FRMD6: variants seen among roughly 807,000 people sequenced by gnomAD.
FRMD6 encodes FERM domain-containing protein 6.
A neutral mutation model predicts 73.2 loss-of-function variants in FRMD6; 37 were observed. The ratio of observed to expected loss-of-function variants is 0.51; its 90% CI spans 0.39 to 0.66. The LOEUF is 0.66. Ranked by LOEUF, FRMD6 falls within the 30% of genes least tolerant of loss-of-function variation. The probability of loss-of-function intolerance (pLI) is 0.00; values close to 1 mark genes in which losing one functional copy is unlikely to be tolerated. For synonymous variants in FRMD6, 273 were observed against 282.2 expected (o/e 0.97, Z 0.33); for missense variants, 714 against 780.5 (o/e 0.91, Z 1.02).
At chr14:51,506,221 A>G (rs950799483) in intron 1 of FRMD6, among the ~76,000 whole-genome samples, 2 of 152,136 alleles carry the variant, frequency 1.3e-5, no homozygotes, top group African/African-American at 4.8e-5. Context: ...AGCTCTCACC[A>G]TTCCATCAGA....
chr14:51,640,400 T>C (rs1427358553), intron 2 of FRMD6, among the ~76,000 whole-genome samples: 2 of 152,230 alleles, frequency 1.3e-5, no homozygotes, highest in Non-Finnish European at 2.9e-5. Flanking sequence ...CATGAATGGG[T>C]ATCAAAATCA....
intron 7 of FRMD6, among the ~76,000 whole-genome samples, chr14:51,711,084 A>G (rs542942626): frequency 3.3e-5 from 5 of 152,200 alleles, no homozygotes; most frequent in Admixed American, 6.6e-5. Context: ...TTTTAAACAT[A>G]TAAAGTCTTA....
chr14:51,497,401 C>G (rs1044003855), intron 1 of FRMD6, among the ~76,000 whole-genome samples: 1 of 152,154 alleles, frequency 6.6e-6, no homozygotes. Context: ...AAAACTTTAT[C>G]GGTTTTCCAT....
At chr14:51,600,944 C>T (rs574424029) in intron 2 of FRMD6, among the ~76,000 whole-genome samples, 1 of 152,304 alleles carries the variant, frequency 6.6e-6, no homozygotes, top group South Asian at 2.1e-4. Context: ...TTTTAATATC[C>T]TATTAGCACT....
chr14:51,480,264 A>G, the FRMD6 span, among the ~76,000 whole-genome samples: 1 of 152,214 alleles, frequency 6.6e-6, no homozygotes. Flanking sequence ...ACATTTTCTG[A>G]GCCTAACACA....
Position 51,569,579 on chromosome 14 carries a change from T to C in FRMD6, c.-209-769T>C, listed in dbSNP as rs527534464. On this transcript the variant is annotated intron_variant, in intron 1 of 14. Coordinates refer to the FRMD6 transcript ENST00000356218. The stretch of plus-strand genomic sequence containing the variant: ...CGTGCAGTGGTGTGAACACAGCTCA[T>C]TGCAGACTTGACCTCCCGAGCTCAG... Among the ~76,000 whole-genome samples, 16 of 145,340 alleles carry C rather than the reference T, an allele frequency of 1.1e-4. No homozygotes were observed. In the South Asian group the frequency reaches 3.2e-3, roughly 30 times the overall value.
the FRMD6 span, among the ~76,000 whole-genome samples, chr14:51,478,311 T>G: frequency 6.6e-6 from 1 of 152,210 alleles, no homozygotes; most frequent in Non-Finnish European, 1.5e-5. Flanking sequence ...GCATTTTTTT[T>G]CCTTCTCATT....
intron 1 of FRMD6, among the ~76,000 whole-genome samples, chr14:51,666,646 C>G (rs1185188695): frequency 6.6e-6 from 1 of 152,022 alleles, no homozygotes; most frequent in Non-Finnish European, 1.5e-5. Context: ...AAAATTTAAC[C>G]TTACAAACAA....
chr14:51,691,978 C>T (rs1895620072), intron 2 of FRMD6, among the ~76,000 whole-genome samples: 1 of 152,226 alleles, frequency 6.6e-6, no homozygotes, highest in East Asian at 1.9e-4. Context: ...TAAATAACTT[C>T]ATTAAAAAGT....
At chr14:51,468,668 G>A in the FRMD6 span, among the ~76,000 whole-genome samples, 5 of 152,170 alleles carry the variant, frequency 3.3e-5, no homozygotes, top group Non-Finnish European at 7.4e-5. Flanking sequence ...CCGGGGGTGG[G>A]CAGGGGGACA....
At chr14:51,511,773 G>T (rs1432052524) in intron 1 of FRMD6, among the ~76,000 whole-genome samples, 2 of 152,098 alleles carry the variant, frequency 1.3e-5, no homozygotes, top group African/African-American at 4.8e-5. Context: ...AATACCTAAT[G>T]TAGGTGATGG....
At chr14:51,697,683 GATTT>G (rs1896037151) in intron 2 of FRMD6, among the ~76,000 whole-genome samples, 1 of 151,788 alleles carries the variant, frequency 6.6e-6, no homozygotes, top group Non-Finnish European at 1.5e-5. Context: ...ATGTTAGTCT[GATTT>G]ATTCATTCCA....
chr14:51,656,563 G>A (rs958676879), intron 1 of FRMD6, among the ~76,000 whole-genome samples: 2 of 152,000 alleles, frequency 1.3e-5, no homozygotes, highest in African/African-American at 4.8e-5. Context: ...ATAGGTGCCT[G>A]CCACCACGCC....
At chr14:51,470,260 T>TCTAATCCCAGCACTTCGGGAGGC in the FRMD6 span, among the ~76,000 whole-genome samples, 1 of 152,222 alleles carries the variant, frequency 6.6e-6, no homozygotes. Context: ...GGCTCACGCC[T>TCTAATCCCAGCACTTCGGGAGGC]CTAATCCCAG....
intron 1 of FRMD6, among the ~76,000 whole-genome samples, chr14:51,549,659 A>G (rs1306870975): frequency 5.2e-5 from 6 of 114,560 alleles, no homozygotes; most frequent in Admixed American, 3.5e-4. Flanking sequence ...GCAGTGGCGC[A>G]CTCTCAGCTC....
intron 1 of FRMD6, among the ~76,000 whole-genome samples, chr14:51,674,121 A>G (rs1159332603): frequency 1.3e-5 from 2 of 152,138 alleles, no homozygotes; most frequent in African/African-American, 4.8e-5. Context: ...GGTTATTGAA[A>G]CTTGTACTGA....
chr14:51,473,015 T>C, the FRMD6 span, among the ~76,000 whole-genome samples: 7 of 152,316 alleles, frequency 4.6e-5, no homozygotes, highest in African/African-American at 1.4e-4. Flanking sequence ...GAAATAATTT[T>C]CAAATGAGGT....
intron 1 of FRMD6, among the ~76,000 whole-genome samples, chr14:51,511,277 G>C (rs1407409209): frequency 6.6e-6 from 1 of 152,202 alleles, no homozygotes; most frequent in Non-Finnish European, 1.5e-5. Context: ...AAAAAAGAAA[G>C]ATGGTGACTG....
intron 1 of FRMD6, among the ~76,000 whole-genome samples, chr14:51,661,838 G>C (rs1358855721): frequency 1.3e-5 from 2 of 152,212 alleles, no homozygotes; most frequent in African/African-American, 4.8e-5. Flanking sequence ...TTGTAATTCA[G>C]TTTTGTATAT....
Sources: gnomAD v4.1 joint callset for allele counts (sites outside exome capture counted in the v4.1 genomes callset) on GRCh38, gnomAD v4.1.1 for gene constraint, MANE v1.5 for transcripts, NCBI Gene and HGNC (gene_info 2026-07-23, HGNC 2026-07-21) for gene names.